The following PHYKPL variants were observed in gnomAD, a reference collection of about 807,000 sequenced individuals.
PHYKPL encodes the protein 5-phosphohydroxy-L-lysine phospho-lyase, also known as 5-phosphonooxy-L-lysine phospho-lyase.
PHYKPL carries 42 observed loss-of-function variants against 51.3 expected under a neutral mutation model. The observed-to-expected ratio is 0.82, with a 90% CI of 0.64 to 1.06. The LOEUF is 1.06. Ranked by LOEUF, PHYKPL falls within the 50% of genes least tolerant of loss-of-function variation. PHYKPL has a pLI of 0.00. For synonymous variants in PHYKPL, 264 were observed against 236.0 expected, an observed-to-expected ratio of 1.12 and a Z score of -1.09; for missense variants, 655 against 586.6, an observed-to-expected ratio of 1.12 and a Z score of -1.20.
intron 3 of PHYKPL, chr5:178,225,943 T>C (rs938752574): frequency 1.3e-5 from 2 of 158,048 alleles, no homozygotes; most frequent in African/African-American, 4.8e-5. Context: ...AGTCTGGGCC[T>C]CTGGAACTTC....
chr5:178,231,469 T>A lies in PHYKPL; in HGVS notation c.114A>T (p.Gln38His). 1.9e-6 allele frequency: 3 copies of A among 1,614,186 alleles called. No homozygotes were observed. Among genetic ancestry groups the A allele is most frequent in the Non-Finnish European group, 2.5e-6 (3 of 1,180,032 alleles). The change falls in exon 2 of 13, where the codon CAA (glutamine) becomes CAT (histidine). Residue 38 changes from glutamine (Q) to histidine (H), a missense_variant. Coordinates refer to ENST00000308158, the MANE Select transcript of PHYKPL (RefSeq NM_153373.4). ...CCTGTTCATCGTACATGTACTGCCCTTGGGCCCGGACAATCTTAACAGGAT... is the reference window on the plus strand; with the variant it reads ...CCTGTTCATCGTACATGTACTGCCCATGGGCCCGGACAATCTTAACAGGAT... ...PEDPVKIVRA[Q>H]GQYMYDEQGA...
chr5:178,210,446 GTC>G, intron 12 of PHYKPL: 1 of 1,484,318 alleles, frequency 6.7e-7, no homozygotes, highest in South Asian at 1.2e-5. Context: ...GAGGAAGGCA[GTC>G]TCTGCTGTCA....
chr5:178,217,254 G>A (rs1218382752), intron 8 of PHYKPL, among the ~76,000 whole-genome samples: 55 of 145,830 alleles, frequency 3.8e-4, no homozygotes, highest in Admixed American at 1.1e-3. Flanking sequence ...AGACAGTCTC[G>A]CTGTCACCCA....
intron 8 of PHYKPL, among the ~76,000 whole-genome samples, chr5:178,219,772 A>C (rs1051242213): frequency 8.5e-5 from 13 of 152,054 alleles, no homozygotes; most frequent in African/African-American, 3.1e-4. Flanking sequence ...TTCATTGAAG[A>C]GCAAACAAAT....
intron 3 of PHYKPL, among the ~76,000 whole-genome samples, chr5:178,228,994 T>G (rs1464535275): frequency 6.6e-6 from 1 of 152,198 alleles, no homozygotes; most frequent in Non-Finnish European, 1.5e-5. Context: ...CTTCGTGGAC[T>G]TCTTTCGGTT....
chr5:178,211,489 G>A, intron 12 of PHYKPL: 1 of 185,194 alleles, frequency 5.4e-6, no homozygotes. Flanking sequence ...TTACACACTA[G>A]GGCAGTGCCA....
intron 10 of PHYKPL, 150 bp from the exon 11 acceptor site, chr5:178,213,253 T>C: frequency 9.3e-7 from 1 of 1,074,688 alleles, no homozygotes; most frequent in South Asian, 1.6e-5. Flanking sequence ...TCTCCCAGAG[T>C]CCTGTGCATC....
downstream of PHYKPL, chr5:178,207,353 C>T (rs928714786): frequency 5.5e-5 from 60 of 1,091,496 alleles, no homozygotes; most frequent in Middle Eastern, 4.3e-4. Flanking sequence ...TTCTCTGAAG[C>T]GTATGCTGCC....
chr5:178,222,836 C>T lies in PHYKPL; in HGVS notation c.701+16G>A, dbSNP rs749073816. The T allele has an allele frequency of 2.5e-6, 4 of 1,613,754 alleles. No individual in the cohort carries two copies. Among genetic ancestry groups the T allele is most frequent in the Non-Finnish European group, 3.4e-6 (4 of 1,179,756 alleles). Reference sequence around the variant, plus strand: ...ACCCCTGCCCTCCCTAGAGCAGACCCCGCCCACCTACTCACTCTGCCACTT... The same window carrying T: ...ACCCCTGCCCTCCCTAGAGCAGACCTCGCCCACCTACTCACTCTGCCACTT... On this transcript the variant is annotated intron_variant, in intron 7 of 12. Coordinates refer to ENST00000308158, the MANE Select transcript of PHYKPL (RefSeq NM_153373.4).
intron 12 of PHYKPL, among the ~76,000 whole-genome samples, chr5:178,209,618 G>GT (rs1441533636): frequency 6.6e-6 from 1 of 152,196 alleles, no homozygotes; most frequent in African/African-American, 2.4e-5. Flanking sequence ...GCTTGAGGCT[G>GT]TTGCCTGCTG....
chr5:178,209,988 C>G, intron 12 of PHYKPL: 1 of 1,060,344 alleles, frequency 9.4e-7, no homozygotes, highest in Non-Finnish European at 1.3e-6. Flanking sequence ...GGCCCAGGGC[C>G]CTTATACACC....
At chr5:178,225,663 ATG>A (rs1296172770) in intron 3 of PHYKPL, 6 of 549,564 alleles carry the variant, frequency 1.1e-5, no homozygotes, top group Non-Finnish European at 2.0e-5. Context: ...ACATTCTCGT[ATG>A]TGTCATGAAA....
In PHYKPL at chr5:178,232,350, C is replaced by T. The variant is rs547617294; in HGVS notation, c.59+142G>A. 243 of 1,281,686 alleles carry T rather than the reference C, an allele frequency of 1.9e-4. No homozygotes were observed. The African/African-American group carries it at 3.4e-3, about 18-fold the overall frequency. 79.4% of individuals were successfully genotyped at this position (1,281,686 alleles called of 1,614,324 possible). A position where few individuals can be genotyped will look rare whatever the true frequency, so the allele number is the denominator to read the frequency against. Reference sequence around the variant, plus strand: ...TCGGGCCCTAGAAGCTCCAGCGGGGCCGGGGCAGCGGCCGGACGGGATGGG... The same window carrying T: ...TCGGGCCCTAGAAGCTCCAGCGGGGTCGGGGCAGCGGCCGGACGGGATGGG... On this transcript the variant is annotated intron_variant, in intron 1 of 12. Transcript: ENST00000308158.
At chr5:178,217,262 C>A (rs997529574) in intron 8 of PHYKPL, among the ~76,000 whole-genome samples, 2 of 151,076 alleles carry the variant, frequency 1.3e-5, no homozygotes, top group South Asian at 2.1e-4. Context: ...TCGCTGTCAC[C>A]CAGGATGGAG....
intron 2 of PHYKPL, chr5:178,230,383 C>T: frequency 2.7e-6 from 1 of 373,748 alleles, no homozygotes; most frequent in South Asian, 2.8e-5. Flanking sequence ...TTTAACAGGG[C>T]CTTACTCTGT....
chr5:178,231,442 C>A lies in PHYKPL; in HGVS notation c.141G>T (p.Gly47=), dbSNP rs200545423. Residue 47 remains glycine (G), a synonymous_variant, in exon 2 of 13, where the codon GGG becomes GGT. Coordinates refer to ENST00000308158, the MANE Select transcript of PHYKPL (RefSeq NM_153373.4). ...TGCTGATGCAATCGATGTATTCTGC[C>A]CCCTGTTCATCGTACATGTACTGCC... ...AQGQYMYDEQ[G]AEYIDCISNV... 11 of 1,614,064 alleles carry A rather than the reference C, an allele frequency of 6.8e-6. No individual in the cohort carries two copies. In the South Asian group the frequency reaches 1.2e-4, roughly 18 times the overall value.
chr5:178,232,374 G>C (rs1249495378), intron 1 of PHYKPL, 118 bp downstream of exon 1: 3 of 1,314,666 alleles, frequency 2.3e-6, no homozygotes, highest in Non-Finnish European at 2.9e-6. Context: ...GGACGGGATG[G>C]GTAGCAGCGG....
chr5:178,229,681 A>G (rs1446576172), intron 3 of PHYKPL: 4 of 387,608 alleles, frequency 1.0e-5, no homozygotes, highest in Non-Finnish European at 1.9e-5. Context: ...TAAGGCAGAA[A>G]TAAAGGAACA....
At chr5:178,232,256 G>A (rs1489328268) in intron 1 of PHYKPL, 1 of 1,233,982 alleles carries the variant, frequency 8.1e-7, no homozygotes, top group Non-Finnish European at 1.0e-6. Context: ...TGGGCGGCCT[G>A]GAGACGGCGC....
Sources: gnomAD v4.1 joint callset for allele counts (sites outside exome capture counted in the v4.1 genomes callset) on GRCh38, gnomAD v4.1.1 for gene constraint, MANE v1.5 for transcripts, NCBI Gene and HGNC (gene_info 2026-07-23, HGNC 2026-07-21) for gene names.